The following ZNF445 variants were observed in gnomAD, a reference collection of about 807,000 sequenced individuals.
The protein encoded by ZNF445 is zinc finger protein 445, also known as zinc finger protein 168.
Under a neutral mutation model 93.9 loss-of-function variants are expected in ZNF445, and 19 were observed. That is an observed-to-expected ratio of 0.20 (90% CI 0.14 to 0.30). ZNF445 has a LOEUF of 0.30. Ranked by LOEUF, ZNF445 falls within the 10% of genes least tolerant of loss-of-function variation. The pLI, the probability that ZNF445 is intolerant of heterozygous loss-of-function variation, is 1.00. For missense variants in ZNF445, 1,058 were observed against 1,259.4 expected (o/e 0.84, Z 2.42); for synonymous variants, 449 against 446.3 (o/e 1.01, Z -0.08).
chr3:44,443,569 A>G lies in ZNF445; in HGVS notation c.*3006T>C, dbSNP rs1697839175. 6.6e-6 allele frequency: 1 copy of G among 152,020 alleles called. No individual in the cohort carries two copies. The highest frequency in any genetic ancestry group is 2.4e-5 in the African/African-American group (1 of 41,394). 9.4% of individuals were successfully genotyped at this position (152,020 alleles called of 1,614,324 possible). On this transcript the variant is annotated 3_prime_UTR_variant, in exon 8 of 8. Transcript: ENST00000396077. ...CTGGAGATCGAGACCATCCTGGCTA[A>G]CACAGTGAAACCCCGTCTCTACTAA...
intron 3 of ZNF445, 35 bp downstream of exon 3, chr3:44,455,086 A>G: frequency 6.2e-7 from 1 of 1,613,488 alleles, no homozygotes; most frequent in South Asian, 1.1e-5. Context: ...TAGCAGGCAG[A>G]GTTCCCTGGG....
chr3:44,448,431 T>G lies in ZNF445; in HGVS notation c.1240A>C (p.Lys414Gln). Residue 414 changes from lysine to glutamine, a missense_variant, in exon 8 of 8, where the codon AAA becomes CAA. By Grantham distance (53) the Lys-to-Gln change is moderately conservative (BLOSUM62 1). Transcript: ENST00000396077. ...LRVSGRKESL[K>Q]HGCGKHFRMS... ...CTGAAGTGTTTGCCACAGCCATGTT[T>G]AAGGGATTCCTTTCTTCCAGAAACT... 1 of 1,614,094 alleles carries G rather than the reference T, an allele frequency of 6.2e-7. No homozygotes were observed. Among genetic ancestry groups the G allele is most frequent in the Non-Finnish European group, 8.5e-7 (1 of 1,180,016 alleles).
Position 44,451,375 on chromosome 3 carries a change from C to T in ZNF445, c.537G>A (p.Leu179=). ...CATAGGGAGGCTCCAGGTGGTCCCC[C>T]AGAGCAGAGCTGCTCCTGAGAGGTG... ...LASPLRSSSA[L]GDHLEPPYEI... The change falls in exon 4 of 8, where the codon CTG becomes CTA. Residue 179 remains leucine (L), a synonymous_variant. Coordinates refer to ENST00000396077, the MANE Select transcript of ZNF445 (RefSeq NM_181489.6). 2 of 1,614,180 alleles carry T rather than the reference C, an allele frequency of 1.2e-6. No homozygotes were observed. Among genetic ancestry groups the T allele is most frequent in the Non-Finnish European group, 1.7e-6 (2 of 1,180,026 alleles).
rs957001717 is a variant in ZNF445 at position 44,434,784 on chromosome 3, G to A, written c.*11791C>T. 6.6e-6 allele frequency: 1 copy of A among 152,160 alleles called. No homozygotes were observed. Among genetic ancestry groups the A allele is most frequent in the Non-Finnish European group, 1.5e-5 (1 of 68,038 alleles). The allele number at this position is 152,160 out of a possible 1,614,324, so 9.4% of individuals were successfully genotyped here. On this transcript the variant is annotated 3_prime_UTR_variant, in exon 8 of 8. Transcript: ENST00000396077. ...GGGCAGCCAAGGGGATAATCGGATC[G>A]GGTGTGCCACACTTCGCCTGCCCCG...
intron 1 of ZNF445, among the ~76,000 whole-genome samples, chr3:44,465,674 A>G (rs1464408594): frequency 2.6e-5 from 4 of 152,212 alleles, no homozygotes; most frequent in African/African-American, 9.7e-5. Flanking sequence ...GCACTTTGGG[A>G]GGCTGAGGCA....
At chr3:44,476,748 G>C (rs1698363897) in intron 1 of ZNF445, among the ~76,000 whole-genome samples, 1 of 152,114 alleles carries the variant, frequency 6.6e-6, no homozygotes, top group Admixed American at 6.5e-5. Flanking sequence ...TTTAAAAACT[G>C]CATTTTATAT....
At chr3:44,450,800 G>A in intron 5 of ZNF445, 68 bp downstream of exon 5, 1 of 1,379,046 alleles carries the variant, frequency 7.3e-7, no homozygotes, top group Middle Eastern at 1.9e-4. Context: ...CCAGGATGGG[G>A]AAGCTGCACT....
In ZNF445 at chr3:44,437,783, AAT is replaced by A. The variant is rs1380001958; in HGVS notation, c.*8790_*8791del. The A allele has an allele frequency of 6.6e-6, 1 of 152,184 alleles. No individual in the cohort carries two copies. Among genetic ancestry groups the A allele is most frequent in the East Asian group, 1.9e-4 (1 of 5,178 alleles). The allele number at this position is 152,184 out of a possible 1,614,324, so 9.4% of individuals were successfully genotyped here. On this transcript the variant is annotated 3_prime_UTR_variant, in exon 8 of 8. Coordinates refer to ENST00000396077, the MANE Select transcript of ZNF445 (RefSeq NM_181489.6). The stretch of plus-strand genomic sequence containing the variant: ...ATCATCCTTTCTGTGGTTTGCCAGA[AAT>A]ATGTTACAGGACCCCAACACTTACG...
intron 1 of ZNF445, among the ~76,000 whole-genome samples, chr3:44,463,902 C>A (rs1469606577): frequency 6.6e-6 from 1 of 151,926 alleles, no homozygotes; most frequent in African/African-American, 2.4e-5. Flanking sequence ...CTGAGGTGGG[C>A]GATCACTTGA....
In ZNF445 at chr3:44,446,639, C is replaced by T; in HGVS notation, c.3032G>A (p.Cys1011Tyr). 6.2e-7 allele frequency: 1 copy of T among 1,614,220 alleles called. No homozygotes were observed. The highest frequency in any genetic ancestry group is 8.5e-7 in the Non-Finnish European group (1 of 1,180,046). ...CGAAGACCACCTGAAGGTCTTTCCA[C>T]ACTTGCTGCATTTGAAGGGCCTCTC... ...TRERPFKCSK[C>Y]GKTFRWSSNL... The change falls in exon 8 of 8, where the codon TGT becomes TAT. Residue 1011 changes from cysteine (C) to tyrosine (Y), a missense_variant. Cys to Tyr is a radical substitution (Grantham distance 194, BLOSUM62 -2). Around this residue, in one of 3 missense-constraint regions of ZNF445, gnomAD observed 387 missense variants for 475.7 expected, o/e 0.81. Coordinates refer to ENST00000396077, the MANE Select transcript of ZNF445 (RefSeq NM_181489.6). This position sits in a 1 kb window ranked among gnomAD's most constrained non-coding sequence, Gnocchi z 4.2.
At position 44,453,042 on chromosome 3, in the gene ZNF445, T is replaced by C. The variant is rs1447037602; in HGVS notation, c.430-1560A>G. On this transcript the variant is annotated intron_variant, in intron 3 of 7. Transcript: ENST00000396077. Reference sequence around the variant, plus strand: ...AATTCTCCTGCCTCAGCCTCCCAAGTAGCTGAGACTACAGGCGAACACCAC... The same window carrying C: ...AATTCTCCTGCCTCAGCCTCCCAAGCAGCTGAGACTACAGGCGAACACCAC... Among the ~76,000 whole-genome samples, 6 of 151,752 alleles carry C rather than the reference T, an allele frequency of 4.0e-5. No individual in the cohort carries two copies. In the East Asian group the frequency reaches 7.8e-4, roughly 20 times the overall value.
rs1697608344 is a variant in ZNF445 at position 44,433,620 on chromosome 3, G to A, written c.*12955C>T. On this transcript the variant is annotated 3_prime_UTR_variant, in exon 8 of 8. Coordinates refer to ENST00000396077, the MANE Select transcript of ZNF445 (RefSeq NM_181489.6). ...AGGGAGGGAGACTGGAGAAGGTTCA[G>A]GGACCAAGTTCTGGCTTCTGCCCTT... The A allele has an allele frequency of 6.6e-6, 1 of 152,508 alleles. No homozygotes were observed. The highest frequency in any genetic ancestry group is 1.5e-5 in the Non-Finnish European group (1 of 68,286). The allele number at this position is 152,508 out of a possible 1,614,324, so 9.4% of individuals were successfully genotyped here.
Position 44,434,138 on chromosome 3 carries a change from C to T in ZNF445, c.*12437G>A, listed in dbSNP as rs1697623912. Reference sequence around the variant, plus strand: ...GGAAAGAGAGAGAAAAAGGGCCTGGCTTGGTGGCTCACTTCTGTAATCCCA... The same window carrying T: ...GGAAAGAGAGAGAAAAAGGGCCTGGTTTGGTGGCTCACTTCTGTAATCCCA... On this transcript the variant is annotated 3_prime_UTR_variant, in exon 8 of 8. Coordinates refer to ENST00000396077, the MANE Select transcript of ZNF445 (RefSeq NM_181489.6). 1 of 151,718 alleles carries T rather than the reference C, an allele frequency of 6.6e-6. No homozygotes were observed. The highest frequency in any genetic ancestry group is 6.6e-5 in the Admixed American group (1 of 15,222). 9.4% of individuals were successfully genotyped at this position (151,718 alleles called of 1,614,324 possible). A position where few individuals can be genotyped will look rare whatever the true frequency, so the allele number is the denominator to read the frequency against.
In ZNF445 at chr3:44,450,564, T is replaced by C; in HGVS notation, c.703A>G (p.Thr235Ala). ...AAGGTCACCTCCACATCCTTGAAAG[T>C]CATGGTCTCCTGAAAAAACACTGTG... is the stretch of plus-strand genomic sequence containing the variant. ...SLTAQLQETM[T>A]FKDVEVTFSQ... is the part of the protein sequence containing the mutation. Residue 235 changes from threonine to alanine, a missense_variant, in exon 6 of 8, where the codon ACT becomes GCT. Transcript: ENST00000396077. The C allele has an allele frequency of 6.2e-7, 1 of 1,613,918 alleles. No homozygotes were observed. Among genetic ancestry groups the C allele is most frequent in the Non-Finnish European group, 8.5e-7 (1 of 1,179,926 alleles).
chr3:44,446,350 T>G lies in ZNF445; in HGVS notation c.*225A>C. The G allele has an allele frequency of 1.7e-6, 1 of 591,740 alleles. No individual in the cohort carries two copies. The allele number at this position is 591,740 out of a possible 1,614,324, so 36.7% of individuals were successfully genotyped here. A position where few individuals can be genotyped will look rare whatever the true frequency, so the allele number is the denominator to read the frequency against. On this transcript the variant is annotated 3_prime_UTR_variant, in exon 8 of 8. Coordinates refer to ENST00000396077, the MANE Select transcript of ZNF445 (RefSeq NM_181489.6). This position sits in a 1 kb window ranked among gnomAD's most constrained non-coding sequence, Gnocchi z 4.2. ...CAGAGGCCACTCCTAGGGGCCGGAG[T>G]CTCCAGAAGGGCTCCAAAGGACATG... is the stretch of plus-strand genomic sequence containing the variant.
chr3:44,473,195 C>T (rs1224897267), intron 1 of ZNF445, among the ~76,000 whole-genome samples: 1 of 152,148 alleles, frequency 6.6e-6, no homozygotes, highest in African/African-American at 2.4e-5. Context: ...CAGTGGCTCA[C>T]ACCTGTAATC....
chr3:44,467,064 A>T (rs1319227369), intron 1 of ZNF445, among the ~76,000 whole-genome samples: 2 of 152,198 alleles, frequency 1.3e-5, no homozygotes, highest in African/African-American at 2.4e-5. Context: ...AGATAACTTT[A>T]AAAATTGTGC....
In ZNF445 at chr3:44,445,213, C is replaced by T. The variant is rs367619621; in HGVS notation, c.*1362G>A. The T allele has an allele frequency of 2.0e-5, 3 of 152,166 alleles. No individual in the cohort carries two copies. Among genetic ancestry groups the T allele is most frequent in the East Asian group, 1.9e-4 (1 of 5,178 alleles). The allele number at this position is 152,166 out of a possible 1,614,324, so 9.4% of individuals were successfully genotyped here. A position where few individuals can be genotyped will look rare whatever the true frequency, so the allele number is the denominator to read the frequency against. On this transcript the variant is annotated 3_prime_UTR_variant, in exon 8 of 8. Coordinates refer to ENST00000396077, the MANE Select transcript of ZNF445 (RefSeq NM_181489.6). ...GAGACATGAACACAACAATGGTAAGCGTTTATATCTGCTGAGGCCGAGGAT... is the reference window on the plus strand; with the variant it reads ...GAGACATGAACACAACAATGGTAAGTGTTTATATCTGCTGAGGCCGAGGAT...
At chr3:44,466,574 G>A (rs1221966430) in intron 1 of ZNF445, among the ~76,000 whole-genome samples, 1 of 152,152 alleles carries the variant, frequency 6.6e-6, no homozygotes, top group Non-Finnish European at 1.5e-5. Flanking sequence ...CATGGAGGTG[G>A]CAAATTTCCT....
Sources: allele counts gnomAD v4.1 joint callset (sites outside exome capture counted in the v4.1 genomes callset), GRCh38; gene constraint gnomAD v4.1.1; regional missense constraint gnomAD v4.1.1; non-coding constraint Gnocchi (gnomAD v3.1); transcripts MANE v1.5; gene names NCBI Gene and HGNC (gene_info 2026-07-23, HGNC 2026-07-21).